DMRT1: variants seen among roughly 807,000 people sequenced by gnomAD.
DMRT1 encodes the protein doublesex- and mab-3-related transcription factor 1.
Under a neutral mutation model 32.3 loss-of-function variants are expected in DMRT1, and 7 were observed. That is an observed-to-expected ratio of 0.22 (90% CI 0.12 to 0.41). DMRT1 has a LOEUF of 0.41. DMRT1 is among the 10% of genes least tolerant of loss of function. DMRT1 has a pLI of 1.00. For synonymous variants in DMRT1, 278 were observed against 206.1 expected, an observed-to-expected ratio of 1.35 and a Z score of -2.99; for missense variants, 625 against 500.5, an observed-to-expected ratio of 1.25 and a Z score of -2.37.
At chr9:890,603 A>C (rs1466770988) in intron 2 of DMRT1, among the ~76,000 whole-genome samples, 1 of 152,150 alleles carries the variant, frequency 6.6e-6, no homozygotes, top group Admixed American at 6.5e-5. Context: ...CCACACACTC[A>C]GCCAGTGGAT....
intron 3 of DMRT1, among the ~76,000 whole-genome samples, chr9:906,263 A>C (rs1022249577): frequency 1.2e-4 from 18 of 152,082 alleles, no homozygotes; most frequent in Admixed American, 1.1e-3. Context: ...AAAGGATGTG[A>C]GTGTGTGCGT....
At chr9:915,362 C>A (rs73378479) in intron 3 of DMRT1, among the ~76,000 whole-genome samples, 4,982 of 152,218 alleles carry the variant, frequency 0.033, 210 homozygotes, top group African/African-American at 0.099. Flanking sequence ...GCCATCAAGT[C>A]ATATCTTCTT....
chr9:943,430 C>G (rs1191189872), intron 4 of DMRT1, among the ~76,000 whole-genome samples: 1 of 152,170 alleles, frequency 6.6e-6, no homozygotes, highest in Non-Finnish European at 1.5e-5. Flanking sequence ...TTCACAGAGG[C>G]ATTGGCTGGA....
intron 4 of DMRT1, among the ~76,000 whole-genome samples, chr9:927,885 C>A (rs577501288): frequency 6.6e-6 from 1 of 152,194 alleles, no homozygotes; most frequent in East Asian, 1.9e-4. Flanking sequence ...GGAACACTTT[C>A]TCCCGGGAGT....
intron 4 of DMRT1, among the ~76,000 whole-genome samples, chr9:952,973 G>A (rs184313725): frequency 6.6e-6 from 1 of 152,044 alleles, no homozygotes; most frequent in East Asian, 1.9e-4. Context: ...TATTCTCATA[G>A]CCTATAGACT....
At chr9:917,460 C>G (rs1420811410) in intron 4 of DMRT1, among the ~76,000 whole-genome samples, 2 of 152,168 alleles carry the variant, frequency 1.3e-5, no homozygotes, top group African/African-American at 4.8e-5. Context: ...TACATAGTAA[C>G]TCGACTTCAA....
chr9:957,334 TG>T (rs1372212690), intron 4 of DMRT1, among the ~76,000 whole-genome samples: 5 of 152,256 alleles, frequency 3.3e-5, no homozygotes, highest in South Asian at 2.1e-4. Flanking sequence ...AGTCCTTTCT[TG>T]GGGCTAATTG....
chr9:856,678 A>G (rs1399934876), intron 2 of DMRT1, among the ~76,000 whole-genome samples: 1 of 152,160 alleles, frequency 6.6e-6, no homozygotes, highest in Admixed American at 6.5e-5. Flanking sequence ...TTTGGCTATT[A>G]TGAGTAATGT....
intron 2 of DMRT1, among the ~76,000 whole-genome samples, chr9:888,455 C>T (rs1015963389): frequency 1.1e-4 from 16 of 152,096 alleles, no homozygotes; most frequent in Non-Finnish European, 1.0e-4. Flanking sequence ...TACAGGCATG[C>T]ACCACCATGC....
At chr9:845,189 C>T (rs537289428) in intron 1 of DMRT1, among the ~76,000 whole-genome samples, 24 of 151,928 alleles carry the variant, frequency 1.6e-4, no homozygotes, top group African/African-American at 5.6e-4. Context: ...TTCTTTAAAC[C>T]TGTTTTTTCA....
chr9:854,430 C>T (rs1453789775), intron 2 of DMRT1, among the ~76,000 whole-genome samples: 3 of 152,036 alleles, frequency 2.0e-5, no homozygotes, highest in Non-Finnish European at 2.9e-5. Context: ...ACTACAGGCG[C>T]ATGCAACCAT....
intron 2 of DMRT1, among the ~76,000 whole-genome samples, chr9:872,448 A>G (rs930912930): frequency 3.9e-5 from 6 of 152,116 alleles, no homozygotes; most frequent in East Asian, 1.9e-4. Flanking sequence ...TTCTCATACC[A>G]TCTCCAAAAA....
Position 893,900 on chromosome 9 carries a change from C to G in DMRT1, c.539-12C>G. On this transcript the variant is annotated splice_polypyrimidine_tract_variant and intron_variant, in intron 2 of 4. Coordinates refer to ENST00000382276, the MANE Select transcript of DMRT1 (RefSeq NM_021951.3). ...ATACCATGTTGTATTTTTCTTTTTT[C>G]TTCCAATTTAGAGGGACGTATGGTC... 1 of 1,612,610 alleles carries G rather than the reference C, an allele frequency of 6.2e-7. No homozygotes were observed. The highest frequency in any genetic ancestry group is 8.5e-7 in the Non-Finnish European group (1 of 1,179,438).
chr9:854,392 T>C (rs912828818), intron 2 of DMRT1, among the ~76,000 whole-genome samples: 1 of 152,136 alleles, frequency 6.6e-6, no homozygotes, highest in East Asian at 1.9e-4. Flanking sequence ...CAAGTGATTC[T>C]CGTGCCTCAG....
At chr9:861,909 G>T (rs1454498392) in intron 2 of DMRT1, among the ~76,000 whole-genome samples, 2 of 149,836 alleles carry the variant, frequency 1.3e-5, no homozygotes, top group Non-Finnish European at 3.0e-5. Flanking sequence ...AGATGGGGCG[G>T]CGGGGCAGAG....
chr9:843,777 G>A (rs1838791060), intron 1 of DMRT1, among the ~76,000 whole-genome samples: 1 of 152,312 alleles, frequency 6.6e-6, no homozygotes, highest in East Asian at 1.9e-4. Context: ...GAAAACAAAT[G>A]CCCGAAGGTT....
chr9:895,774 C>T (rs1262633619), intron 3 of DMRT1, among the ~76,000 whole-genome samples: 1 of 151,182 alleles, frequency 6.6e-6, no homozygotes, highest in Non-Finnish European at 1.5e-5. Context: ...GTTAGATTCC[C>T]AGAATTTACT....
intron 2 of DMRT1, among the ~76,000 whole-genome samples, chr9:856,866 G>C (rs1815421405): frequency 6.6e-6 from 1 of 152,170 alleles, no homozygotes; most frequent in Non-Finnish European, 1.5e-5. Flanking sequence ...GTCTATGAGG[G>C]TTCCAGAAAA....
chr9:883,184 A>G (rs1177895406), intron 2 of DMRT1, among the ~76,000 whole-genome samples: 2 of 152,054 alleles, frequency 1.3e-5, no homozygotes, highest in East Asian at 3.9e-4. Flanking sequence ...TATCTTTAAA[A>G]GCCAACTTCA....
Sources: allele counts gnomAD v4.1 joint callset (sites outside exome capture counted in the v4.1 genomes callset), GRCh38; gene constraint gnomAD v4.1.1; transcripts MANE v1.5; gene names NCBI Gene and HGNC (gene_info 2026-07-23, HGNC 2026-07-21).